The following GARNL3 variants were observed in gnomAD, a reference collection of about 807,000 sequenced individuals.
The protein encoded by GARNL3 is GTPase activating Rap/RanGAP domain like 3, also known as GTPase-activating Rap/Ran-GAP domain-like protein 3.
GARNL3 carries 63 observed loss-of-function variants against 125.0 expected under a neutral mutation model. The ratio of observed to expected loss-of-function variants is 0.50; its 90% CI spans 0.41 to 0.62. The LOEUF is 0.62. Ranked by LOEUF, GARNL3 falls within the 20% of genes least tolerant of loss-of-function variation. GARNL3 has a pLI of 0.00. For synonymous variants in GARNL3, 439 were observed against 457.5 expected, an observed-to-expected ratio of 0.96 and a Z score of 0.52; for missense variants, 994 against 1,244.0, an observed-to-expected ratio of 0.80 and a Z score of 3.02.
chr9:127,384,406 G>A lies in GARNL3; in HGVS notation c.2270-621G>A, dbSNP rs1315789106. Among the ~76,000 whole-genome samples the A allele has an allele frequency of 6.6e-6, 1 of 152,138 alleles. No homozygotes were observed. Among genetic ancestry groups the A allele is most frequent in the Admixed American group, 6.5e-5 (1 of 15,280 alleles). ...CAGGAAGAAAGAGGTGTGCCCCAGG[G>A]CAGCCAGGGCAGGCACAGTGCCTGG... is the stretch of plus-strand genomic sequence containing the variant. On this transcript the variant is annotated intron_variant, in intron 23 of 27. Coordinates refer to ENST00000373387, the MANE Select transcript of GARNL3 (RefSeq NM_032293.5). This position sits in a 1 kb window ranked among gnomAD's most constrained non-coding sequence, Gnocchi z 4.0.
intron 1 of GARNL3, among the ~76,000 whole-genome samples, chr9:127,268,065 T>G (rs1226611449): frequency 1.3e-5 from 2 of 152,218 alleles, no homozygotes; most frequent in Admixed American, 1.3e-4. Flanking sequence ...CTACTTAGCA[T>G]TCTTTCAACA....
rs575472738 is a variant in GARNL3 at position 127,387,387 on chromosome 9, A to C, written c.2527+56A>C. 11 of 1,489,806 alleles carry C rather than the reference A, an allele frequency of 7.4e-6. No homozygotes were observed. The South Asian group carries it at 1.3e-4, about 18-fold the overall frequency. The allele number at this position is 1,489,806 out of a possible 1,614,324, so 92.3% of individuals were successfully genotyped here. On this transcript the variant is annotated intron_variant, in intron 25 of 27. Coordinates refer to ENST00000373387, the MANE Select transcript of GARNL3 (RefSeq NM_032293.5). ...ATTTGTAATTCACTCTAATTTCTCT[A>C]GTTTGTTGTCTAATATCTACATGTG...
intron 15 of GARNL3, among the ~76,000 whole-genome samples, chr9:127,344,923 A>G (rs1830058360): frequency 6.6e-6 from 1 of 152,178 alleles, no homozygotes; most frequent in Non-Finnish European, 1.5e-5. Context: ...ACATCACAGC[A>G]TGGAGAAGGA....
intron 22 of GARNL3, among the ~76,000 whole-genome samples, chr9:127,381,112 C>T (rs560741638): frequency 4.3e-5 from 6 of 138,256 alleles, no homozygotes; most frequent in Non-Finnish European, 9.5e-5. Context: ...CTCCTGACCT[C>T]GTGATCCGCC....
rs142431859 is a variant in GARNL3, at chr9:127,235,856, C to T, written c.-28-7223C>T. ...AATGAGAGGAGATGATTGGAAACAA[C>T]GACTACAGTCAACTCTTTGCACAGG... On this transcript the variant is annotated intron_variant, in intron 1 of 10. Transcript: ENST00000439286. 2.4e-3 allele frequency among the ~76,000 whole-genome samples: 367 copies of T among 152,236 alleles called. 1 individual carries two copies. The highest frequency in any genetic ancestry group is 6.8e-3 in the Middle Eastern group (2 of 294).
chr9:127,368,864 G>A (rs1238371920), intron 22 of GARNL3, among the ~76,000 whole-genome samples: 1 of 152,024 alleles, frequency 6.6e-6, no homozygotes, highest in Non-Finnish European at 1.5e-5. Flanking sequence ...GAGCCCAGAA[G>A]GTGGAGGTTG....
chr9:127,324,641 G>A (rs1336549518), intron 6 of GARNL3, among the ~76,000 whole-genome samples: 1 of 152,182 alleles, frequency 6.6e-6, no homozygotes, highest in Non-Finnish European at 1.5e-5. Flanking sequence ...TTTATATGGG[G>A]TGACTAAGAA....
intron 1 of GARNL3, among the ~76,000 whole-genome samples, chr9:127,272,489 CTTT>C (rs71493519): frequency 8.1e-6 from 1 of 124,086 alleles, no homozygotes; most frequent in East Asian, 2.1e-4. Flanking sequence ...CAGGCCAACT[CTTT>C]TTTTTTTTTG....
intron 2 of GARNL3, among the ~76,000 whole-genome samples, chr9:127,244,842 C>T (rs2063268062): frequency 6.6e-6 from 1 of 152,206 alleles, no homozygotes; most frequent in South Asian, 2.1e-4. Context: ...AGAGCTTCCG[C>T]ACCTTCCAGA....
intron 1 of GARNL3, among the ~76,000 whole-genome samples, chr9:127,290,962 G>T (rs1425117112): frequency 6.6e-6 from 1 of 152,070 alleles, no homozygotes; most frequent in Non-Finnish European, 1.5e-5. Flanking sequence ...ACTCTTGCAG[G>T]TTAGGCATTC....
intron 1 of GARNL3, among the ~76,000 whole-genome samples, chr9:127,287,456 C>T (rs771653003): frequency 7.9e-5 from 12 of 152,196 alleles, no homozygotes; most frequent in Non-Finnish European, 1.5e-4. Flanking sequence ...TTCTGTACTG[C>T]GTTAAAAAGA....
rs760448556 is a variant in GARNL3, at chr9:127,335,259, A to G, written c.799A>G (p.Thr267Ala). The G allele has an allele frequency of 3.1e-6, 5 of 1,613,720 alleles. No individual in the cohort carries two copies. Among genetic ancestry groups the G allele is most frequent in the Non-Finnish European group, 4.2e-6 (5 of 1,179,684 alleles). The change falls in exon 10 of 28, where the codon ACT becomes GCT. Residue 267 changes from threonine to alanine, a missense_variant. Physicochemically the swap from Thr to Ala is moderately conservative, Grantham distance 58. Coordinates refer to ENST00000373387, the MANE Select transcript of GARNL3 (RefSeq NM_032293.5). Reference sequence around the variant, plus strand: ...TACCACAGGGATACATTCAGTTTATACTGTGTACCAAGGGCATGAGATCAT... The same window carrying G: ...TACCACAGGGATACATTCAGTTTATGCTGTGTACCAAGGGCATGAGATCAT... ...NDTTGIHSVY[T>A]VYQGHEIMFH...
intron 1 of GARNL3, among the ~76,000 whole-genome samples, chr9:127,274,173 C>T (rs1194444360): frequency 6.6e-6 from 1 of 152,178 alleles, no homozygotes; most frequent in African/African-American, 2.4e-5. Context: ...ATGCTTGTCT[C>T]CTCCCTACCC....
intron 2 of GARNL3, among the ~76,000 whole-genome samples, chr9:127,294,147 C>A (rs1054481202): frequency 2.6e-5 from 4 of 152,330 alleles, no homozygotes; most frequent in East Asian, 1.9e-4. Context: ...TTGTCCCCAA[C>A]AAGGTCACCA....
intron 19 of GARNL3, 150 bp from the exon 20 acceptor site, chr9:127,355,147 C>T (rs1173338732): frequency 6.3e-6 from 4 of 635,868 alleles, no homozygotes; most frequent in Non-Finnish European, 8.2e-6. Flanking sequence ...AATATGTAGT[C>T]TCCATTTTGC....
intron 19 of GARNL3, 131 bp downstream of exon 19, chr9:127,354,541 A>G (rs1177639636): frequency 1.7e-6 from 1 of 585,762 alleles, no homozygotes; most frequent in Non-Finnish European, 3.0e-6. Flanking sequence ...AAACATCACA[A>G]AAATAGCATC....
exon 2 of GARNL3, chr9:127,243,174 C>T (rs747959339): frequency 1.7e-5 from 23 of 1,366,328 alleles, no homozygotes; most frequent in African/African-American, 3.0e-5. Context: ...AAAGCAAAGT[C>T]GTCTCTCTCC....
chr9:127,246,664 A>C (rs2063309104), intron 2 of GARNL3, among the ~76,000 whole-genome samples: 1 of 152,200 alleles, frequency 6.6e-6, no homozygotes, highest in East Asian at 1.9e-4. Context: ...AAAATCAGCC[A>C]GGTGGGGTGA....
At chr9:127,246,250 G>A (rs2063302002) in intron 2 of GARNL3, among the ~76,000 whole-genome samples, 2 of 152,192 alleles carry the variant, frequency 1.3e-5, no homozygotes, top group South Asian at 4.1e-4. Flanking sequence ...GGATGAGGCT[G>A]GTGGCAGGGA....
Sources: allele counts gnomAD v4.1 joint callset (sites outside exome capture counted in the v4.1 genomes callset), GRCh38; gene constraint gnomAD v4.1.1; non-coding constraint Gnocchi (gnomAD v3.1); transcripts MANE v1.5; gene names NCBI Gene and HGNC (gene_info 2026-07-23, HGNC 2026-07-21).